Variants in EPHB2 observed in about 807,000 individuals in gnomAD.
The protein encoded by EPHB2 is ephrin type-B receptor 2.
A neutral mutation model predicts 96.4 loss-of-function variants in EPHB2; 18 were observed. That is an observed-to-expected ratio of 0.19 (90% CI 0.13 to 0.28). EPHB2 has a LOEUF of 0.28. Ranked by LOEUF, EPHB2 falls within the 10% of genes least tolerant of loss-of-function variation. The probability of loss-of-function intolerance (pLI) is 1.00; values close to 1 mark genes in which losing one functional copy is unlikely to be tolerated. For synonymous variants in EPHB2, 506 were observed against 534.1 expected (o/e 0.95, Z 0.72); for missense variants, 989 against 1,355.4 (o/e 0.73, Z 4.25).
intron 5 of EPHB2, among the ~76,000 whole-genome samples, chr1:22,872,479 G>A (rs151192357): frequency 4.0e-4 from 61 of 152,270 alleles, no homozygotes; most frequent in Non-Finnish European, 8.1e-4. Context: ...GAATTAAGAC[G>A]TGAACATCTT....
Position 22,858,502 on chromosome 1 carries a change from T to C in EPHB2, c.812-4535T>C, listed in dbSNP as rs1193524800. The stretch of plus-strand genomic sequence containing the variant: ...CAGCCCCCTTTCCAGATGAGGAGAC[T>C]GAGTTTCAAAGGGGAGGAGGCCTTC... On this transcript the variant is annotated intron_variant, in intron 3 of 15. Transcript: ENST00000374630. The surrounding 1 kb of genome is among the most constrained non-coding windows in gnomAD (Gnocchi z 7.7). 6.6e-6 allele frequency among the ~76,000 whole-genome samples: 1 copy of C among 152,158 alleles called. No homozygotes were observed. Among genetic ancestry groups the C allele is most frequent in the African/African-American group, 2.4e-5 (1 of 41,438 alleles).
At chr1:22,899,365 G>A (rs370893239) in intron 9 of EPHB2, among the ~76,000 whole-genome samples, 2 of 151,732 alleles carry the variant, frequency 1.3e-5, no homozygotes, top group African/African-American at 4.8e-5. Context: ...GCCTGGCGTG[G>A]TGGTGTGTGC....
At chr1:22,862,995 T>G in intron 3 of EPHB2, 42 bp from the exon 4 acceptor site, 1 of 1,613,704 alleles carries the variant, frequency 6.2e-7, no homozygotes, top group Non-Finnish European at 8.5e-7. Flanking sequence ...TCTCTGAGTC[T>G]TCATCCAGTT....
intron 9 of EPHB2, among the ~76,000 whole-genome samples, chr1:22,900,840 G>A (rs1008824796): frequency 2.6e-5 from 4 of 152,128 alleles, no homozygotes; most frequent in African/African-American, 7.2e-5. Context: ...GCCACCCTGC[G>A]TGGTCAGGAC....
intron 1 of EPHB2, among the ~76,000 whole-genome samples, chr1:22,741,882 G>C (rs1479051415): frequency 2.6e-5 from 4 of 151,968 alleles, no homozygotes; most frequent in African/African-American, 9.7e-5. Context: ...AGCTCAGTGT[G>C]GTTAAGACAC....
chr1:22,802,220 C>T (rs114918112), intron 3 of EPHB2, among the ~76,000 whole-genome samples: 71 of 152,212 alleles, frequency 4.7e-4, no homozygotes, highest in African/African-American at 1.6e-3. Flanking sequence ...AAATGATGGC[C>T]CAGTTGGGTT....
chr1:22,799,934 C>T (rs1349454622), intron 3 of EPHB2, among the ~76,000 whole-genome samples: 1 of 152,216 alleles, frequency 6.6e-6, no homozygotes, highest in African/African-American at 2.4e-5. Flanking sequence ...CCAGTTCCCT[C>T]CCTTAAAGGC....
At chr1:22,859,519 G>C (rs1645759788) in intron 3 of EPHB2, among the ~76,000 whole-genome samples, 1 of 152,168 alleles carries the variant, frequency 6.6e-6, no homozygotes, top group Non-Finnish European at 1.5e-5. Flanking sequence ...AATAAGGCTG[G>C]GCTCAGTGGC....
At chr1:22,787,497 C>A (rs897421784) in intron 3 of EPHB2, among the ~76,000 whole-genome samples, 25 of 152,162 alleles carry the variant, frequency 1.6e-4, no homozygotes, top group African/African-American at 6.0e-4. Flanking sequence ...TGCCTGTAAT[C>A]CTAGCACTTT....
At chr1:22,869,136 C>T (rs780372925) in intron 5 of EPHB2, among the ~76,000 whole-genome samples, 2 of 151,988 alleles carry the variant, frequency 1.3e-5, no homozygotes, top group African/African-American at 4.8e-5. Flanking sequence ...CCTTGTCTTA[C>T]AGCTGCTCAG....
intron 1 of EPHB2, among the ~76,000 whole-genome samples, chr1:22,743,017 G>C (rs1405195925): frequency 6.6e-6 from 1 of 151,598 alleles, no homozygotes; most frequent in African/African-American, 2.4e-5. Context: ...TCAGCCTCCT[G>C]AGTAGCTGGG....
At chr1:22,750,006 A>G (rs1644038114) in intron 1 of EPHB2, among the ~76,000 whole-genome samples, 2 of 152,216 alleles carry the variant, frequency 1.3e-5, no homozygotes, top group Non-Finnish European at 2.9e-5. Context: ...AGAGCTGTGC[A>G]AAGACCTTAA....
At chr1:22,882,779 C>T (rs561460553) in intron 6 of EPHB2, 33 of 385,326 alleles carry the variant, frequency 8.6e-5, no homozygotes, top group South Asian at 7.0e-4. Flanking sequence ...ACCCTTTCAT[C>T]TTGACCTCAG....
intron 1 of EPHB2, among the ~76,000 whole-genome samples, chr1:22,776,085 T>C (rs919263231): frequency 6.6e-6 from 1 of 152,148 alleles, no homozygotes; most frequent in African/African-American, 2.4e-5. Context: ...TTCATGGCCC[T>C]GTCCTGTGCT....
rs1644591167 is a variant in EPHB2 at position 22,785,054 on chromosome 1, T to C, written c.789T>C (p.Val263=). ...RCMCKAGFEA[V]ENGTVCRGCP... The stretch of plus-strand genomic sequence containing the variant: ...TGTGCAAAGCAGGCTTCGAGGCCGT[T>C]GAGAATGGCACCGTCTGCCGAGGTA... The change falls in exon 3 of 16, where the codon GTT becomes GTC. Residue 263 remains valine (V), a synonymous_variant. Coordinates refer to ENST00000374630, the MANE Select transcript of EPHB2 (RefSeq NM_017449.5). 1 of 1,613,414 alleles carries C rather than the reference T, an allele frequency of 6.2e-7. No homozygotes were observed. Among genetic ancestry groups the C allele is most frequent in the Non-Finnish European group, 8.5e-7 (1 of 1,180,042 alleles).
chr1:22,803,780 G>A (rs1030621732), intron 3 of EPHB2, among the ~76,000 whole-genome samples: 4 of 150,488 alleles, frequency 2.7e-5, no homozygotes, highest in South Asian at 2.1e-4. Flanking sequence ...GGGGTGTGAC[G>A]ATGCATGTTT....
At chr1:22,877,371 G>C (rs1449329990) in intron 5 of EPHB2, among the ~76,000 whole-genome samples, 1 of 152,218 alleles carries the variant, frequency 6.6e-6, no homozygotes, top group African/African-American at 2.4e-5. Flanking sequence ...TTTGCTGTTA[G>C]CTGCGCGGCC....
rs187338594 is a variant in EPHB2, at chr1:22,812,467, G to A, written c.811+27391G>A. Among the ~76,000 whole-genome samples, 493 of 152,274 alleles carry A rather than the reference G, an allele frequency of 3.2e-3. 2 individuals carry two copies. The highest frequency in any genetic ancestry group is 5.2e-3 in the Non-Finnish European group (351 of 68,032). ...TGGAAACCACAGCAGGAGGGGTGTG[G>A]TACTCAGAGGTGCCAGACCCACCCG... On this transcript the variant is annotated intron_variant, in intron 3 of 15. Coordinates refer to ENST00000374630, the MANE Select transcript of EPHB2 (RefSeq NM_017449.5).
chr1:22,817,096 G>A (rs1003112683), intron 3 of EPHB2, among the ~76,000 whole-genome samples: 1 of 152,202 alleles, frequency 6.6e-6, no homozygotes, highest in Non-Finnish European at 1.5e-5. Flanking sequence ...CTCGCTGGAT[G>A]CCACAGCCAG....
Sources: allele counts gnomAD v4.1 joint callset (sites outside exome capture counted in the v4.1 genomes callset), GRCh38; gene constraint gnomAD v4.1.1; non-coding constraint Gnocchi (gnomAD v3.1); transcripts MANE v1.5; gene names NCBI Gene and HGNC (gene_info 2026-07-23, HGNC 2026-07-21).